The following RALGAPA2 variants were observed in gnomAD, a reference collection of about 807,000 sequenced individuals.
The protein encoded by RALGAPA2 is Ral GTPase activating protein catalytic subunit alpha 2, also known as ral GTPase-activating protein subunit alpha-2.
Under a neutral mutation model 230.4 loss-of-function variants are expected in RALGAPA2, and 139 were observed. The observed-to-expected ratio is 0.60, with a 90% CI of 0.53 to 0.69. RALGAPA2 has a LOEUF of 0.69. RALGAPA2 is among the 30% of genes least tolerant of loss of function. The pLI is 0.00. For missense variants in RALGAPA2, 2,163 were observed against 2,276.0 expected, an observed-to-expected ratio of 0.95 and a Z score of 1.01; for synonymous variants, 847 against 837.8, an observed-to-expected ratio of 1.01 and a Z score of -0.19.
intron 37 of RALGAPA2, among the ~76,000 whole-genome samples, chr20:20,444,823 G>C (rs1479646891): frequency 6.6e-6 from 1 of 152,208 alleles, no homozygotes; most frequent in African/African-American, 2.4e-5. Flanking sequence ...CTGCAGTCAA[G>C]CAAGGTCTGA....
intron 36 of RALGAPA2, among the ~76,000 whole-genome samples, chr20:20,481,219 G>A (rs1021192673): frequency 6.6e-6 from 1 of 152,202 alleles, no homozygotes; most frequent in Non-Finnish European, 1.5e-5. Flanking sequence ...AGTTGTTGGA[G>A]CAAAGACAAA....
intron 7 of RALGAPA2, among the ~76,000 whole-genome samples, chr20:20,638,028 C>A (rs187704825): frequency 1.6e-4 from 24 of 152,278 alleles, no homozygotes; most frequent in African/African-American, 5.8e-4. Flanking sequence ...TCAAAGGCTA[C>A]GATAAACCAG....
chr20:20,655,044 A>G (rs2067540472), intron 3 of RALGAPA2, among the ~76,000 whole-genome samples: 1 of 152,180 alleles, frequency 6.6e-6, no homozygotes, highest in Non-Finnish European at 1.5e-5. Flanking sequence ...GTATCTATGT[A>G]TTCTTTTGAG....
chr20:20,669,419 GC>G (rs1474277216), intron 3 of RALGAPA2, among the ~76,000 whole-genome samples: 1 of 152,130 alleles, frequency 6.6e-6, no homozygotes, highest in East Asian at 1.9e-4. Flanking sequence ...AAAGATAGTG[GC>G]TCAGAGCATG....
intron 37 of RALGAPA2, among the ~76,000 whole-genome samples, chr20:20,435,789 G>A (rs1323751450): frequency 6.6e-6 from 1 of 152,224 alleles, no homozygotes; most frequent in Non-Finnish European, 1.5e-5. Context: ...ACACTGGGAT[G>A]TGTCTGTGGA....
At chr20:20,694,521 T>C (rs1172173469) in intron 1 of RALGAPA2, among the ~76,000 whole-genome samples, 1 of 152,152 alleles carries the variant, frequency 6.6e-6, no homozygotes, top group African/African-American at 2.4e-5. Flanking sequence ...CGAAGGCCCT[T>C]CTGGTCACTG....
At position 20,393,065 on chromosome 20, in the gene RALGAPA2, G is replaced by A. The variant is rs773171878; in HGVS notation, c.*224C>T. 13 of 1,324,312 alleles carry A rather than the reference G, an allele frequency of 9.8e-6. No individual in the cohort carries two copies. In the East Asian group the frequency reaches 1.9e-4, roughly 20 times the overall value. 82.0% of individuals were successfully genotyped at this position (1,324,312 alleles called of 1,614,324 possible). A position where few individuals can be genotyped will look rare whatever the true frequency, so the allele number is the denominator to read the frequency against. ...CTAGTTTGAGTCCCATCTGAGACAC[G>A]GTAGTGGGATTCACCATGGGCTTCA... On this transcript the variant is annotated 3_prime_UTR_variant, in exon 40 of 40. Transcript: ENST00000202677.
At chr20:20,594,621 C>T (rs950759655) in intron 16 of RALGAPA2, among the ~76,000 whole-genome samples, 5 of 152,054 alleles carry the variant, frequency 3.3e-5, no homozygotes, top group Admixed American at 1.3e-4. Flanking sequence ...AAATAATGTA[C>T]TCTCTCTAAA....
intron 38 of RALGAPA2, among the ~76,000 whole-genome samples, chr20:20,405,923 C>T (rs761863825): frequency 2.0e-5 from 3 of 152,232 alleles, no homozygotes; most frequent in African/African-American, 4.8e-5. Flanking sequence ...TCCTTTCTGT[C>T]CTCCTTTCTA....
At chr20:20,420,489 C>T (rs1053410385) in intron 37 of RALGAPA2, among the ~76,000 whole-genome samples, 1 of 152,128 alleles carries the variant, frequency 6.6e-6, no homozygotes, top group Non-Finnish European at 1.5e-5. Context: ...GGTAAGAATG[C>T]TACTTGCAGG....
chr20:20,573,122 C>A (rs952275719), intron 20 of RALGAPA2, 54 bp from the exon 21 acceptor site: 2 of 1,368,290 alleles, frequency 1.5e-6, no homozygotes, highest in South Asian at 1.8e-5. Context: ...TTTCATCATA[C>A]CTTTTTTCTT....
At chr20:20,645,106 CTTTTT>C (rs71198064) in intron 4 of RALGAPA2, among the ~76,000 whole-genome samples, 5 of 59,462 alleles carry the variant, frequency 8.4e-5, no homozygotes, top group African/African-American at 1.7e-4. Context: ...GGTGGTGGTG[CTTTTT>C]TTTTTTTTTT....
chr20:20,413,459 C>A (rs2060103656), intron 37 of RALGAPA2, among the ~76,000 whole-genome samples: 1 of 152,174 alleles, frequency 6.6e-6, no homozygotes, highest in Non-Finnish European at 1.5e-5. Flanking sequence ...CAGAGGCATT[C>A]TAGGGCTGTG....
intron 37 of RALGAPA2, among the ~76,000 whole-genome samples, chr20:20,469,189 G>A (rs1448897876): frequency 1.3e-5 from 2 of 152,096 alleles, no homozygotes; most frequent in South Asian, 2.1e-4. Flanking sequence ...GGTGCTGCCC[G>A]GCAAAATAGA....
intron 2 of RALGAPA2, among the ~76,000 whole-genome samples, chr20:20,680,399 A>G (rs2068477342): frequency 1.3e-5 from 2 of 152,210 alleles, no homozygotes; most frequent in East Asian, 3.8e-4. Flanking sequence ...AATTTTTTTA[A>G]TAGTATGCAT....
intron 36 of RALGAPA2, among the ~76,000 whole-genome samples, chr20:20,486,757 T>A (rs1398662958): frequency 6.6e-6 from 1 of 152,216 alleles, no homozygotes; most frequent in African/African-American, 2.4e-5. Context: ...TCTGTTCAGA[T>A]GTTTTTCAAC....
chr20:20,712,577 C>A lies in RALGAPA2; in HGVS notation c.-97G>T. ...TCGAGGCCGGCGCGTGTCGCGCGGG[C>A]CACTCGCCGCCCCCAGCCCCGCTGC... On this transcript the variant is annotated 5_prime_UTR_variant, in exon 1 of 40. Coordinates refer to ENST00000202677, the MANE Select transcript of RALGAPA2 (RefSeq NM_020343.4). The surrounding 1 kb of genome is among the most constrained non-coding windows in gnomAD (Gnocchi z 5.5). 7.8e-7 allele frequency: 1 copy of A among 1,273,910 alleles called. No individual in the cohort carries two copies. The highest frequency in any genetic ancestry group is 2.7e-5 in the South Asian group (1 of 37,154). The allele number at this position is 1,273,910 out of a possible 1,614,324, so 78.9% of individuals were successfully genotyped here.
At chr20:20,477,122 T>A (rs2061671403) in intron 36 of RALGAPA2, among the ~76,000 whole-genome samples, 1 of 152,228 alleles carries the variant, frequency 6.6e-6, no homozygotes, top group African/African-American at 2.4e-5. Context: ...CATCCTCTAT[T>A]TTGATCTGGG....
chr20:20,440,305 G>T (rs1348679692), intron 37 of RALGAPA2, among the ~76,000 whole-genome samples: 1 of 152,178 alleles, frequency 6.6e-6, no homozygotes, highest in Non-Finnish European at 1.5e-5. Flanking sequence ...TGACGACTTG[G>T]AATTTTGCTT....
Sources: allele counts gnomAD v4.1 joint callset (sites outside exome capture counted in the v4.1 genomes callset), GRCh38; gene constraint gnomAD v4.1.1; non-coding constraint Gnocchi (gnomAD v3.1); transcripts MANE v1.5; gene names NCBI Gene and HGNC (gene_info 2026-07-23, HGNC 2026-07-21).